RGS6: variants seen among roughly 807,000 people sequenced by gnomAD.
RGS6 encodes regulator of G-protein signaling 6.
A neutral mutation model predicts 78.5 loss-of-function variants in RGS6; 30 were observed. That is an observed-to-expected ratio of 0.38 (90% CI 0.29 to 0.52). The LOEUF (loss-of-function observed/expected upper bound fraction) is 0.52. Ranked by LOEUF, RGS6 falls within the 20% of genes least tolerant of loss-of-function variation. The pLI, the probability that RGS6 is intolerant of heterozygous loss-of-function variation, is 0.85. For synonymous variants in RGS6, 206 were observed against 206.0 expected, an observed-to-expected ratio of 1.00 and a Z score of 0.00; for missense variants, 495 against 609.7, an observed-to-expected ratio of 0.81 and a Z score of 1.98.
At chr14:71,924,849 A>G in the RGS6 span, among the ~76,000 whole-genome samples, 1 of 152,230 alleles carries the variant, frequency 6.6e-6, no homozygotes, top group Non-Finnish European at 1.5e-5. Context: ...TGTTCCCATA[A>G]CCAGAATATT....
chr14:72,305,673 T>C (rs1243793014), intron 2 of RGS6, among the ~76,000 whole-genome samples: 1 of 152,198 alleles, frequency 6.6e-6, no homozygotes, highest in Admixed American at 6.5e-5. Context: ...CAACTGGCCA[T>C]TGCACATCTC....
intron 2 of RGS6, among the ~76,000 whole-genome samples, chr14:72,173,621 G>A (rs771367991): frequency 1.6e-4 from 24 of 151,984 alleles, no homozygotes; most frequent in Admixed American, 3.3e-4. Context: ...CAATAACCTC[G>A]ACTCTTGAAT....
At chr14:72,001,556 C>T (rs2083441782) in intron 2 of RGS6, among the ~76,000 whole-genome samples, 2 of 151,454 alleles carry the variant, frequency 1.3e-5, no homozygotes, top group South Asian at 2.1e-4. Flanking sequence ...AATAAAACAA[C>T]TCACCAAACT....
At chr14:72,441,183 G>A (rs570740006) in intron 3 of RGS6, among the ~76,000 whole-genome samples, 3 of 152,236 alleles carry the variant, frequency 2.0e-5, no homozygotes, top group South Asian at 4.2e-4. Context: ...GGAGGTGAAG[G>A]AGGGCTGGAA....
At chr14:72,419,876 G>C (rs2153098648) in intron 3 of RGS6, among the ~76,000 whole-genome samples, 1 of 152,334 alleles carries the variant, frequency 6.6e-6, no homozygotes, top group South Asian at 2.1e-4. Flanking sequence ...TAGAAATGCA[G>C]TGGAACGGGA....
chr14:72,010,247 T>C (rs1472317449), intron 2 of RGS6, among the ~76,000 whole-genome samples: 1 of 152,210 alleles, frequency 6.6e-6, no homozygotes, highest in African/African-American at 2.4e-5. Flanking sequence ...TATTTCCATA[T>C]CGAGTCTTGC....
chr14:72,050,466 G>C (rs962301289), intron 2 of RGS6, among the ~76,000 whole-genome samples: 1 of 152,186 alleles, frequency 6.6e-6, no homozygotes, highest in Admixed American at 6.5e-5. Context: ...GGGGGGGATT[G>C]AGGTGGAATG....
Position 72,157,558 on chromosome 14 carries a change from G to C in RGS6, c.84+192683G>C, listed in dbSNP as rs145501979. Among the ~76,000 whole-genome samples, 688 of 152,326 alleles carry C rather than the reference G, an allele frequency of 4.5e-3. 7 individuals are homozygous for C. The highest frequency in any genetic ancestry group is 0.016 in the African/African-American group (651 of 41,562). On this transcript the variant is annotated intron_variant, in intron 2 of 17. Coordinates refer to ENST00000553525, the MANE Select transcript of RGS6 (RefSeq NM_001204424.2). ...CACAATTCTGTGGGCGTGTACTGCT[G>C]TGATAAGATGTTTGTTCTCTGGCTT...
At chr14:72,606,950 T>A in the RGS6 span, among the ~76,000 whole-genome samples, 2 of 152,212 alleles carry the variant, frequency 1.3e-5, no homozygotes, top group Admixed American at 1.3e-4. Context: ...AAGAAGCAGA[T>A]GTTGGTGCCA....
At chr14:72,203,444 A>G (rs1372013301) in intron 2 of RGS6, among the ~76,000 whole-genome samples, 1 of 152,212 alleles carries the variant, frequency 6.6e-6, no homozygotes, top group Non-Finnish European at 1.5e-5. Context: ...CTGTGGGTAA[A>G]GGATCTGGGT....
chr14:71,937,034 A>G (rs1261028753), intron 1 of RGS6, among the ~76,000 whole-genome samples: 3 of 152,158 alleles, frequency 2.0e-5, no homozygotes, highest in Non-Finnish European at 4.4e-5. Flanking sequence ...GACCTTAATC[A>G]CAGGGCATGG....
intron 2 of RGS6, among the ~76,000 whole-genome samples, chr14:72,102,892 T>C (rs2095556679): frequency 6.6e-6 from 1 of 152,222 alleles, no homozygotes. Flanking sequence ...AAGTTCACAC[T>C]CAGGGTTCGT....
the RGS6 span, among the ~76,000 whole-genome samples, chr14:72,616,588 T>C: frequency 6.6e-6 from 1 of 152,202 alleles, no homozygotes; most frequent in Non-Finnish European, 1.5e-5. Flanking sequence ...AACATGATGC[T>C]TAAGAGTCCC....
At chr14:71,985,206 C>T (rs536934918) in intron 2 of RGS6, among the ~76,000 whole-genome samples, 9 of 151,980 alleles carry the variant, frequency 5.9e-5, no homozygotes, top group Non-Finnish European at 8.8e-5. Flanking sequence ...TCACTGCAAC[C>T]GCCGCCTCCT....
intron 2 of RGS6, among the ~76,000 whole-genome samples, chr14:72,146,582 T>C (rs929308974): frequency 1.3e-5 from 2 of 152,144 alleles, no homozygotes; most frequent in Non-Finnish European, 2.9e-5. Flanking sequence ...AGGCATAGGA[T>C]AGCCATTCTT....
chr14:72,615,165 C>A, the RGS6 span, among the ~76,000 whole-genome samples: 5 of 152,174 alleles, frequency 3.3e-5, no homozygotes, highest in Non-Finnish European at 5.9e-5. Flanking sequence ...CCCAGCACTT[C>A]CACGACAGGC....
chr14:72,175,327 C>T (rs1426833395), intron 2 of RGS6, among the ~76,000 whole-genome samples: 4 of 152,172 alleles, frequency 2.6e-5, no homozygotes, highest in South Asian at 2.1e-4. Context: ...TTTCAGCATA[C>T]TGTGACTTTT....
At chr14:72,150,378 C>G (rs1162652005) in intron 2 of RGS6, among the ~76,000 whole-genome samples, 3 of 152,100 alleles carry the variant, frequency 2.0e-5, no homozygotes, top group African/African-American at 2.4e-5. Flanking sequence ...CTCTAAAACT[C>G]AGAGAGAATA....
intron 2 of RGS6, among the ~76,000 whole-genome samples, chr14:72,227,823 A>G (rs748672045): frequency 2.6e-5 from 4 of 152,198 alleles, no homozygotes; most frequent in South Asian, 2.1e-4. Flanking sequence ...AAAAACTTCT[A>G]TTAGCTGTGG....
Sources: allele counts gnomAD v4.1 joint callset (sites outside exome capture counted in the v4.1 genomes callset), GRCh38; gene constraint gnomAD v4.1.1; transcripts MANE v1.5; gene names NCBI Gene and HGNC (gene_info 2026-07-23, HGNC 2026-07-21).